FAM174B: variants seen among roughly 807,000 people sequenced by gnomAD.
FAM174B encodes family with sequence similarity 174 member B, also known as membrane protein FAM174B.
A neutral mutation model predicts 10.9 loss-of-function variants in FAM174B; 12 were observed. That is an observed-to-expected ratio of 1.10 (90% CI 0.71 to 1.79). The LOEUF is 1.79. FAM174B is among the 40% of genes most tolerant of loss of function. The pLI, the probability that FAM174B is intolerant of heterozygous loss-of-function variation, is 0.00. For synonymous variants in FAM174B, 132 were observed against 115.8 expected (o/e 1.14, Z -0.90); for missense variants, 266 against 233.3 (o/e 1.14, Z -0.91).
chr15:92,655,561 G>A lies in FAM174B; in HGVS notation c.99C>T (p.Ser33=). 4 of 1,388,196 alleles carry A rather than the reference G, an allele frequency of 2.9e-6. No individual in the cohort carries two copies. The highest frequency in any genetic ancestry group is 3.6e-5 in the Admixed American group (1 of 28,040). 86.0% of individuals were successfully genotyped at this position (1,388,196 alleles called of 1,614,324 possible). A position where few individuals can be genotyped will look rare whatever the true frequency, so the allele number is the denominator to read the frequency against. ...AARASRAESV[S]APWPEPERES... Reference sequence around the variant, plus strand: ...CGCGCTCGGGTTCGGGCCACGGCGCGGAGACGGACTCGGCTCTGCTGGCGC... The same window carrying A: ...CGCGCTCGGGTTCGGGCCACGGCGCAGAGACGGACTCGGCTCTGCTGGCGC... Residue 33 remains serine, a synonymous_variant, in exon 1 of 3, where the codon TCC becomes TCT. Coordinates refer to ENST00000327355, the MANE Select transcript of FAM174B (RefSeq NM_207446.3).
At chr15:92,621,431 C>T (rs1335703106) in intron 2 of FAM174B, among the ~76,000 whole-genome samples, 1 of 151,978 alleles carries the variant, frequency 6.6e-6, no homozygotes, top group Non-Finnish European at 1.5e-5. Context: ...GGGCAACATA[C>T]TGAGAGCTTG....
At chr15:92,640,046 G>A (rs746193801) in intron 1 of FAM174B, among the ~76,000 whole-genome samples, 1 of 151,966 alleles carries the variant, frequency 6.6e-6, no homozygotes, top group Non-Finnish European at 1.5e-5. Context: ...GGATAAAGAT[G>A]GCATTTCAAA....
At chr15:92,650,490 C>T (rs750352378) in intron 1 of FAM174B, among the ~76,000 whole-genome samples, 1 of 152,170 alleles carries the variant, frequency 6.6e-6, no homozygotes, top group Admixed American at 6.5e-5. Flanking sequence ...GAGCCTGCAC[C>T]GTGGAGTTCG....
rs188030137 is a variant in FAM174B, at chr15:92,648,439, G to A, written c.344+6877C>T. On this transcript the variant is annotated intron_variant, in intron 1 of 2. Coordinates refer to ENST00000327355, the MANE Select transcript of FAM174B (RefSeq NM_207446.3). Reference sequence around the variant, plus strand: ...TGGGAAGAACACTGTTTACTCAGCCGTGTTTGCTCCTAGGTGCTGGGTTCA... The same window carrying A: ...TGGGAAGAACACTGTTTACTCAGCCATGTTTGCTCCTAGGTGCTGGGTTCA... Among the ~76,000 whole-genome samples the A allele has an allele frequency of 7.4e-4, 112 of 152,266 alleles. 2 individuals carry two copies. The South Asian group carries it at 7.7e-3, about 10-fold the overall frequency.
In FAM174B at chr15:92,619,033, G is replaced by A. The variant is rs1567041292; in HGVS notation, c.*423C>T. 4.0e-6 allele frequency: 2 copies of A among 503,042 alleles called. No homozygotes were observed. The highest frequency in any genetic ancestry group is 7.0e-6 in the Non-Finnish European group (2 of 286,872). 31.2% of individuals were successfully genotyped at this position (503,042 alleles called of 1,614,324 possible). On this transcript the variant is annotated 3_prime_UTR_variant, in exon 3 of 3. Coordinates refer to ENST00000327355, the MANE Select transcript of FAM174B (RefSeq NM_207446.3). Reference sequence around the variant, plus strand: ...ATGTGTAGATCCAGTAGAGAAGAATGTCGGAAATTCTAAATACACAGTTGG... The same window carrying A: ...ATGTGTAGATCCAGTAGAGAAGAATATCGGAAATTCTAAATACACAGTTGG...
chr15:92,645,046 AC>A (rs2050917038), intron 1 of FAM174B, among the ~76,000 whole-genome samples: 1 of 152,228 alleles, frequency 6.6e-6, no homozygotes, highest in South Asian at 2.1e-4. Context: ...ACCATCTCTG[AC>A]TTGGTTCTCT....
chr15:92,645,276 C>T lies in FAM174B; in HGVS notation c.344+10040G>A, dbSNP rs370408615. ...CTGGGCACCATCCCATTGGGGTTAA[C>T]CAAGTGTTAGCACTGTTGGTTGACC... On this transcript the variant is annotated intron_variant, in intron 1 of 2. Transcript: ENST00000327355. Among the ~76,000 whole-genome samples the T allele has an allele frequency of 3.9e-5, 6 of 152,354 alleles. No individual in the cohort carries two copies. The South Asian group carries it at 1.2e-3, about 32-fold the overall frequency.
At chr15:92,633,498 T>C (rs28731440) in intron 1 of FAM174B, among the ~76,000 whole-genome samples, 3,062 of 152,240 alleles carry the variant, frequency 0.02, 109 homozygotes, top group African/African-American at 0.071. Flanking sequence ...CTGTAAAGTC[T>C]GATGATACCC....
At chr15:92,646,881 C>T (rs906502816) in intron 1 of FAM174B, among the ~76,000 whole-genome samples, 3 of 152,202 alleles carry the variant, frequency 2.0e-5, no homozygotes, top group Admixed American at 6.5e-5. Flanking sequence ...AACCAATGTA[C>T]ATCTTACATG....
chr15:92,634,053 C>A (rs935638836), intron 1 of FAM174B, among the ~76,000 whole-genome samples: 1 of 152,312 alleles, frequency 6.6e-6, no homozygotes, highest in South Asian at 2.1e-4. Context: ...GGACAAGTTG[C>A]GGCTGTCTGG....
intron 1 of FAM174B, among the ~76,000 whole-genome samples, chr15:92,639,905 A>AG (rs1166114849): frequency 1.3e-5 from 2 of 152,180 alleles, no homozygotes; most frequent in Non-Finnish European, 2.9e-5. Context: ...GCCAATACCC[A>AG]GTCTCAGGTA....
chr15:92,631,405 T>TA (rs2050813970), intron 1 of FAM174B, among the ~76,000 whole-genome samples: 2 of 47,892 alleles, frequency 4.2e-5, no homozygotes, highest in Admixed American at 3.5e-4. Flanking sequence ...TTATATTATA[T>TA]TATATATAAT....
At chr15:92,654,356 C>T (rs1233289658) in intron 1 of FAM174B, among the ~76,000 whole-genome samples, 1 of 152,194 alleles carries the variant, frequency 6.6e-6, no homozygotes, top group Non-Finnish European at 1.5e-5. Flanking sequence ...GAACAGCTGA[C>T]ACACACACCC....
At position 92,635,171 on chromosome 15, in the gene FAM174B, ACACACACAC is replaced by A. The variant is rs1567046691; in HGVS notation, c.345-4835_345-4827del. On this transcript the variant is annotated intron_variant, in intron 1 of 2. Transcript: ENST00000327355. ...GCTCACTATCTCTCCACACACACCC[ACACACACAC>A]ACACACACACACACACACCCTATTG... Among the ~76,000 whole-genome samples the A allele has an allele frequency of 6.4e-3, 823 of 129,428 alleles. 6 individuals are homozygous for A. The highest frequency in any genetic ancestry group is 0.027 in the African/African-American group (781 of 28,942). 84.9% of individuals were successfully genotyped at this position (129,428 alleles called of 152,430 possible). A position where few individuals can be genotyped will look rare whatever the true frequency, so the allele number is the denominator to read the frequency against.
chr15:92,634,388 G>A (rs994619380), intron 1 of FAM174B: 2 of 152,254 alleles, frequency 1.3e-5, no homozygotes, highest in African/African-American at 4.8e-5. Context: ...GAAAGCTCCG[G>A]AGGCTCTGTC....
At chr15:92,655,133 G>A (rs2141968055) in intron 1 of FAM174B, 183 bp downstream of exon 1, 1 of 735,488 alleles carries the variant, frequency 1.4e-6, no homozygotes, top group Non-Finnish European at 1.9e-6. Context: ...ACATGTACCA[G>A]GAAAATCCAG....
chr15:92,653,805 G>A (rs769496269), intron 1 of FAM174B, among the ~76,000 whole-genome samples: 1 of 152,264 alleles, frequency 6.6e-6, no homozygotes, highest in Non-Finnish European at 1.5e-5. Flanking sequence ...CAGAGCATAA[G>A]GAGCAAGTGA....
chr15:92,653,549 G>T (rs1022742902), intron 1 of FAM174B, among the ~76,000 whole-genome samples: 7 of 152,370 alleles, frequency 4.6e-5, no homozygotes, highest in African/African-American at 9.6e-5. Flanking sequence ...CCCGCATCGG[G>T]CATGGAGACA....
At chr15:92,624,809 C>T (rs2050742595) in intron 2 of FAM174B, among the ~76,000 whole-genome samples, 1 of 152,230 alleles carries the variant, frequency 6.6e-6, no homozygotes. Flanking sequence ...AGGAGCAGCG[C>T]GTTCTCCCAG....
Sources: gnomAD v4.1 joint callset for allele counts (sites outside exome capture counted in the v4.1 genomes callset) on GRCh38, gnomAD v4.1.1 for gene constraint, MANE v1.5 for transcripts, NCBI Gene and HGNC (gene_info 2026-07-23, HGNC 2026-07-21) for gene names.